SARNP: variants seen among roughly 807,000 people sequenced by gnomAD.
The protein encoded by SARNP is SAP domain-containing ribonucleoprotein.
In SARNP, 5 loss-of-function variants were observed where a neutral mutation model predicts 38.1. The ratio of observed to expected loss-of-function variants is 0.13; its 90% CI spans 0.07 to 0.28. The LOEUF (loss-of-function observed/expected upper bound fraction) is 0.28. Ranked by LOEUF, SARNP falls within the 10% of genes least tolerant of loss-of-function variation. The probability of loss-of-function intolerance (pLI) is 1.00; values close to 1 mark genes in which losing one functional copy is unlikely to be tolerated. For missense variants in SARNP, 180 were observed against 243.9 expected (o/e 0.74, Z 1.75); for synonymous variants, 84 against 80.6 (o/e 1.04, Z -0.23).
intron 1 of SARNP, among the ~76,000 whole-genome samples, chr12:55,816,451 C>T (rs1323241097): frequency 6.6e-6 from 1 of 152,056 alleles, no homozygotes; most frequent in Non-Finnish European, 1.5e-5. Flanking sequence ...TCCAGAATAA[C>T]ACAAAAACCC....
intron 6 of SARNP, 29 bp from the exon 7 acceptor site, chr12:55,794,416 A>T: frequency 6.2e-7 from 1 of 1,603,600 alleles, no homozygotes; most frequent in Non-Finnish European, 8.5e-7. Flanking sequence ...ACTAAATTTT[A>T]GGAAGCTGTT....
At chr12:55,768,324 T>C (rs1276483376) in intron 9 of SARNP, among the ~76,000 whole-genome samples, 2 of 151,302 alleles carry the variant, frequency 1.3e-5, no homozygotes, top group African/African-American at 4.9e-5. Flanking sequence ...GAGACAGGGT[T>C]TCTCCATGTT....
intron 9 of SARNP, among the ~76,000 whole-genome samples, chr12:55,773,486 C>T (rs1879071385): frequency 6.6e-6 from 1 of 152,126 alleles, no homozygotes; most frequent in Non-Finnish European, 1.5e-5. Flanking sequence ...GGTAGCACAC[C>T]TGTCTTATTG....
At chr12:55,769,989 G>C (rs2136182552) in intron 9 of SARNP, among the ~76,000 whole-genome samples, 1 of 152,256 alleles carries the variant, frequency 6.6e-6, no homozygotes, top group South Asian at 2.1e-4. Context: ...GTTTCTATTA[G>C]AAGAGAGAGG....
chr12:55,795,003 A>C (rs1879781712), intron 5 of SARNP, 123 bp from the exon 6 acceptor site: 1 of 574,826 alleles, frequency 1.7e-6, no homozygotes, highest in Non-Finnish European at 3.0e-6. Context: ...TCTGTCCCCC[A>C]GCCTGGAGTG....
chr12:55,816,313 T>C (rs942870597), intron 1 of SARNP, among the ~76,000 whole-genome samples: 1 of 152,224 alleles, frequency 6.6e-6, no homozygotes, highest in Admixed American at 6.5e-5. Flanking sequence ...AAGTATACAA[T>C]TTCTATAAGT....
intron 1 of SARNP, among the ~76,000 whole-genome samples, chr12:55,808,634 G>A (rs1390553720): frequency 3.3e-5 from 5 of 151,850 alleles, no homozygotes; most frequent in Admixed American, 1.3e-4. Context: ...GGTAGCACAC[G>A]CCTGTGGTCC....
chr12:55,755,452 G>A (rs975499307), downstream of SARNP: 6 of 152,166 alleles, frequency 3.9e-5, no homozygotes, highest in African/African-American at 1.4e-4. Flanking sequence ...CTCATTAAGA[G>A]CTTCCAGGTA....
chr12:55,758,631 C>T lies in SARNP; in HGVS notation c.592-1078G>A, dbSNP rs961823408. ...CTGCACTCCAGCCTGGACGACAGAGCGAGACTCCATCTCAAAAAAAAAAAG... is the reference window on the plus strand; with the variant it reads ...CTGCACTCCAGCCTGGACGACAGAGTGAGACTCCATCTCAAAAAAAAAAAG... On this transcript the variant is annotated intron_variant, in intron 10 of 10. Coordinates refer to ENST00000336133, the MANE Select transcript of SARNP (RefSeq NM_033082.4). Among the ~76,000 whole-genome samples, 9 of 151,626 alleles carry T rather than the reference C, an allele frequency of 5.9e-5. No homozygotes were observed. In the South Asian group the frequency reaches 6.2e-4, roughly 11 times the overall value.
intron 9 of SARNP, among the ~76,000 whole-genome samples, chr12:55,766,703 A>G (rs1224030811): frequency 6.9e-6 from 1 of 145,004 alleles, no homozygotes; most frequent in Non-Finnish European, 1.5e-5. Flanking sequence ...GCTCACTGCA[A>G]CCTCCACCTC....
intron 2 of SARNP, among the ~76,000 whole-genome samples, chr12:55,801,593 A>G (rs1254042605): frequency 6.6e-6 from 1 of 152,220 alleles, no homozygotes; most frequent in African/African-American, 2.4e-5. Context: ...TAAGGATAGC[A>G]CAAAGAAACT....
intron 9 of SARNP, among the ~76,000 whole-genome samples, chr12:55,768,071 C>G (rs944468085): frequency 2.6e-5 from 4 of 152,040 alleles, no homozygotes; most frequent in Non-Finnish European, 4.4e-5. Context: ...CAAAATCAGT[C>G]TTCTCCACAA....
At chr12:55,798,422 C>T (rs946804618) in intron 4 of SARNP, among the ~76,000 whole-genome samples, 6 of 152,156 alleles carry the variant, frequency 3.9e-5, no homozygotes, top group African/African-American at 1.4e-4. Context: ...CTGCTTGAGC[C>T]GGGAAACGGA....
At chr12:55,766,616 CGG>C (rs58583137) in intron 9 of SARNP, among the ~76,000 whole-genome samples, 4,266 of 37,800 alleles carry the variant, frequency 0.11, 35 homozygotes, top group South Asian at 0.18. Context: ...GTTTTTTTGG[CGG>C]GGGGGGGGGG....
intron 1 of SARNP, 141 bp downstream of exon 1, chr12:55,817,525 G>C: frequency 4.2e-6 from 3 of 713,312 alleles, no homozygotes; most frequent in Non-Finnish European, 7.2e-6. Context: ...GTGTGGAAGG[G>C]TGGCACAAAA....
intron 1 of SARNP, among the ~76,000 whole-genome samples, chr12:55,813,008 G>A (rs1242887641): frequency 6.6e-6 from 1 of 151,926 alleles, no homozygotes; most frequent in African/African-American, 2.4e-5. Flanking sequence ...GTGCAATGGC[G>A]CGATCTCGGC....
downstream of SARNP, chr12:55,756,719 A>G (rs541399367): frequency 6.6e-6 from 1 of 152,238 alleles, no homozygotes; most frequent in Non-Finnish European, 1.5e-5. Context: ...GATTTAGCTA[A>G]CAATGCGTAA....
chr12:55,760,963 T>G (rs1292985000), intron 9 of SARNP, among the ~76,000 whole-genome samples: 2 of 151,922 alleles, frequency 1.3e-5, no homozygotes, highest in Non-Finnish European at 1.5e-5. Context: ...GATCAGGCAG[T>G]CAGGAGTTCA....
intron 9 of SARNP, among the ~76,000 whole-genome samples, chr12:55,779,292 AGGTATCAAT>A (rs1879274899): frequency 6.6e-6 from 1 of 152,210 alleles, no homozygotes. Flanking sequence ...TTGATCAGTG[AGGTATCAAT>A]GGCTGAGGGA....
Sources: gnomAD v4.1 joint callset for allele counts (sites outside exome capture counted in the v4.1 genomes callset) on GRCh38, gnomAD v4.1.1 for gene constraint, MANE v1.5 for transcripts, NCBI Gene and HGNC (gene_info 2026-07-23, HGNC 2026-07-21) for gene names.